The following STARD13 variants were observed in gnomAD, a reference collection of about 807,000 sequenced individuals.
STARD13 encodes StAR related lipid transfer domain containing 13.
STARD13 carries 62 observed loss-of-function variants against 106.4 expected under a neutral mutation model. The observed-to-expected ratio is 0.58, with a 90% confidence interval of 0.48 to 0.72. The LOEUF (loss-of-function observed/expected upper bound fraction) is 0.72. Ranked by LOEUF, STARD13 falls within the 30% of genes least tolerant of loss-of-function variation. The pLI is 0.00. For missense variants in STARD13, 1,387 were observed against 1,424.0 expected, an observed-to-expected ratio of 0.97 and a Z score of 0.42; for synonymous variants, 565 against 553.0, an observed-to-expected ratio of 1.02 and a Z score of -0.31.
the STARD13 span, among the ~76,000 whole-genome samples, chr13:33,431,731 T>C: frequency 6.6e-6 from 1 of 152,174 alleles, no homozygotes; most frequent in African/African-American, 2.4e-5. Flanking sequence ...AAGATAATAG[T>C]TATATTGCTT....
the STARD13 span, among the ~76,000 whole-genome samples, chr13:33,483,643 C>A: frequency 1.3e-5 from 2 of 152,184 alleles, no homozygotes; most frequent in East Asian, 3.9e-4. Context: ...TGATTGCTTC[C>A]TTACAGCTCC....
chr13:33,585,680 C>G, the STARD13 span, among the ~76,000 whole-genome samples: 2 of 152,052 alleles, frequency 1.3e-5, no homozygotes, highest in African/African-American at 4.8e-5. Context: ...GGTGACAAAG[C>G]CAGACTCTGT....
intron 3 of STARD13, among the ~76,000 whole-genome samples, chr13:33,142,708 C>T (rs1317538795): frequency 6.6e-6 from 1 of 152,186 alleles, no homozygotes; most frequent in South Asian, 2.1e-4. Flanking sequence ...CGTTTGCCAC[C>T]TTGACCTTGC....
the STARD13 span, among the ~76,000 whole-genome samples, chr13:33,459,683 C>A: frequency 6.6e-6 from 1 of 152,162 alleles, no homozygotes; most frequent in Non-Finnish European, 1.5e-5. Context: ...ATTCGTGCTT[C>A]CATATTGTGC....
chr13:33,177,850 GAAGGAAGGAAGGAAGGAAGGAAGGA>G lies in STARD13; in HGVS notation c.170-10253_170-10229del, dbSNP rs1396013349. On this transcript the variant is annotated intron_variant, in intron 1 of 13. Coordinates refer to ENST00000336934, the MANE Select transcript of STARD13 (RefSeq NM_178006.4). ...GAAGGAAGGAAGGAAGGAAAGGAAGGAAGGAAGGAAGGAAGGAAGGAAGGAAAGGAAGGAAGGAAGGAAGGAAGGA... is the reference window on the plus strand; with the variant it reads ...GAAGGAAGGAAGGAAGGAAAGGAAGGAAGGAAGGAAGGAAGGAAGGAAGGA... Among the ~76,000 whole-genome samples the G allele has an allele frequency of 5.2e-3, 67 of 12,968 alleles. 16 individuals are homozygous for G. The highest frequency in any genetic ancestry group is 0.047 in the African/African-American group (61 of 1,294). The allele number at this position is 12,968 out of a possible 152,430, so 8.5% of individuals were successfully genotyped here.
At chr13:33,240,259 C>T (rs60882006) in intron 1 of STARD13, among the ~76,000 whole-genome samples, 2,618 of 152,122 alleles carry the variant, frequency 0.017, 55 homozygotes, top group African/African-American at 0.05. Context: ...GTCTTCATGC[C>T]GGTAACATAC....
chr13:33,202,346 C>G (rs917352666), intron 1 of STARD13, among the ~76,000 whole-genome samples: 1 of 152,148 alleles, frequency 6.6e-6, no homozygotes, highest in Non-Finnish European at 1.5e-5. Flanking sequence ...CCATAAGGGA[C>G]AATTTATTCC....
chr13:33,107,800 T>C (rs1873973868), intron 12 of STARD13, among the ~76,000 whole-genome samples: 1 of 152,114 alleles, frequency 6.6e-6, no homozygotes, highest in Non-Finnish European at 1.5e-5. Flanking sequence ...TCAGGAGCTA[T>C]GAGAACATCT....
the STARD13 span, among the ~76,000 whole-genome samples, chr13:33,656,073 A>G: frequency 6.6e-6 from 1 of 152,062 alleles, no homozygotes; most frequent in East Asian, 1.9e-4. Context: ...TCCTTATCCC[A>G]CTTTCTGGCT....
At chr13:33,521,122 T>C in the STARD13 span, among the ~76,000 whole-genome samples, 1 of 152,126 alleles carries the variant, frequency 6.6e-6, no homozygotes, top group African/African-American at 2.4e-5. Flanking sequence ...CCTCAGTATT[T>C]GTCAGGAACT....
chr13:33,662,869 T>C, the STARD13 span, among the ~76,000 whole-genome samples: 1 of 152,104 alleles, frequency 6.6e-6, no homozygotes, highest in East Asian at 1.9e-4. Flanking sequence ...ATGAATACGC[T>C]CTCCCTAAAA....
At chr13:33,114,284 C>G (rs982060229) in intron 8 of STARD13, among the ~76,000 whole-genome samples, 12 of 152,156 alleles carry the variant, frequency 7.9e-5, no homozygotes, top group Non-Finnish European at 1.5e-4. Context: ...CTGGCTGGCC[C>G]CAGGCTTTGT....
chr13:33,528,257 C>CATATATATATATATATGTATAT, the STARD13 span, among the ~76,000 whole-genome samples: 119 of 92,884 alleles, frequency 1.3e-3, 2 homozygotes, highest in African/African-American at 7.2e-3. Flanking sequence ...TATATATATA[C>CATATATATATATATATGTATAT]ATATATATAT....
At chr13:33,185,872 A>T (rs1885710741) in intron 1 of STARD13, 1 of 1,613,728 alleles carries the variant, frequency 6.2e-7, no homozygotes, top group Non-Finnish European at 8.5e-7. Context: ...CTGATCCAGC[A>T]CTTACCCCGG....
At chr13:33,469,280 A>G in the STARD13 span, among the ~76,000 whole-genome samples, 1 of 152,276 alleles carries the variant, frequency 6.6e-6, no homozygotes, top group East Asian at 1.9e-4. Context: ...CCAACCCAGG[A>G]TTACCTGATT....
At chr13:33,406,418 T>C in the STARD13 span, among the ~76,000 whole-genome samples, 11 of 152,260 alleles carry the variant, frequency 7.2e-5, no homozygotes, top group Non-Finnish European at 1.0e-4. Flanking sequence ...GGACACTGAA[T>C]TTGAGTACGG....
chr13:33,346,829 G>C (rs1027592384), downstream of STARD13, among the ~76,000 whole-genome samples: 1 of 151,726 alleles, frequency 6.6e-6, no homozygotes, highest in Non-Finnish European at 1.5e-5. Context: ...AGTAGAGATG[G>C]GGTTTCACTA....
the STARD13 span, among the ~76,000 whole-genome samples, chr13:33,489,752 G>C: frequency 6.6e-6 from 1 of 152,258 alleles, no homozygotes; most frequent in East Asian, 1.9e-4. Context: ...AAGAAACAGC[G>C]ACGCACCATG....
At chr13:33,644,482 C>T in the STARD13 span, among the ~76,000 whole-genome samples, 1 of 151,970 alleles carries the variant, frequency 6.6e-6, no homozygotes, top group Non-Finnish European at 1.5e-5. Flanking sequence ...CACAGAGACA[C>T]GCAACACTCA....
Sources: allele counts gnomAD v4.1 joint callset (sites outside exome capture counted in the v4.1 genomes callset), GRCh38; gene constraint gnomAD v4.1.1; transcripts MANE v1.5; gene names NCBI Gene and HGNC (gene_info 2026-07-23, HGNC 2026-07-21).